The following MAML2 variants were observed in gnomAD, a reference collection of about 807,000 sequenced individuals.
MAML2 encodes the protein mastermind-like protein 2.
In MAML2, 22 loss-of-function variants were observed where a neutral mutation model predicts 96.1. The observed-to-expected ratio is 0.23, with a 90% CI of 0.16 to 0.33. The LOEUF is 0.33. MAML2 is among the 10% of genes least tolerant of loss of function. The pLI is 1.00. For missense variants in MAML2, 1,367 were observed against 1,392.4 expected (o/e 0.98, Z 0.29); for synonymous variants, 561 against 521.3 (o/e 1.08, Z -1.04).
intron 2 of MAML2, among the ~76,000 whole-genome samples, chr11:96,046,181 C>G (rs1762603243): frequency 6.6e-6 from 1 of 151,864 alleles, no homozygotes; most frequent in African/African-American, 2.4e-5. Flanking sequence ...CTGACCAGCG[C>G]AGGTGAGGTA....
chr11:96,151,950 CT>C (rs1860931261), intron 1 of MAML2, among the ~76,000 whole-genome samples: 1 of 152,162 alleles, frequency 6.6e-6, no homozygotes, highest in South Asian at 2.1e-4. Context: ...GGCATAGTGA[CT>C]TATGCCTGTA....
intron 2 of MAML2, among the ~76,000 whole-genome samples, chr11:96,069,072 G>T (rs967413664): frequency 2.6e-5 from 4 of 151,880 alleles, no homozygotes; most frequent in Non-Finnish European, 4.4e-5. Context: ...CAGGCTACAG[G>T]CATGTGCCAC....
intron 1 of MAML2, among the ~76,000 whole-genome samples, chr11:96,103,830 G>A (rs1469892557): frequency 6.6e-6 from 1 of 152,102 alleles, no homozygotes; most frequent in Non-Finnish European, 1.5e-5. Context: ...AGCAACAAAA[G>A]GGATCTCCTT....
chr11:96,264,843 T>C (rs1462414994), intron 1 of MAML2, among the ~76,000 whole-genome samples: 1 of 152,230 alleles, frequency 6.6e-6, no homozygotes, highest in African/African-American at 2.4e-5. Context: ...GCATATCTTA[T>C]TTCGGCATAG....
intron 1 of MAML2, among the ~76,000 whole-genome samples, chr11:96,339,730 T>G (rs534161673): frequency 9.5e-4 from 145 of 152,332 alleles, no homozygotes; most frequent in African/African-American, 3.2e-3. Context: ...TAGATACTTT[T>G]GGCTACAGAT....
At chr11:96,242,754 G>A (rs183243965) in intron 1 of MAML2, among the ~76,000 whole-genome samples, 143 of 152,268 alleles carry the variant, frequency 9.4e-4, no homozygotes, top group Non-Finnish European at 1.6e-3. Context: ...CATGATAAAG[G>A]GGAAAGGATC....
intron 2 of MAML2, among the ~76,000 whole-genome samples, chr11:96,034,749 C>T (rs542777533): frequency 1.3e-5 from 2 of 152,254 alleles, no homozygotes; most frequent in South Asian, 4.1e-4. Flanking sequence ...AGGGAAAATA[C>T]ATGGCATCTC....
chr11:96,059,822 A>T (rs1286258537), intron 2 of MAML2, among the ~76,000 whole-genome samples: 1 of 152,160 alleles, frequency 6.6e-6, no homozygotes, highest in Non-Finnish European at 1.5e-5. Flanking sequence ...TGGTCATGGG[A>T]TAGACATTTT....
At chr11:96,121,809 C>T (rs1259229355) in intron 1 of MAML2, among the ~76,000 whole-genome samples, 5 of 10,284 alleles carry the variant, frequency 4.9e-4, no homozygotes, top group South Asian at 2.4e-3. Flanking sequence ...TTTTTTGAGA[C>T]GGAGTCTTGC....
chr11:96,275,969 C>T (rs983339727), intron 1 of MAML2, among the ~76,000 whole-genome samples: 5 of 152,118 alleles, frequency 3.3e-5, no homozygotes, highest in East Asian at 1.9e-4. Context: ...GGTTTTAGAA[C>T]GACTGGAAAA....
rs143464542 is a variant in MAML2, at chr11:96,240,791, A to G, written c.513+100592T>C. On this transcript the variant is annotated intron_variant, in intron 1 of 4. Transcript: ENST00000524717. ...AGAAAGGTACTATTACAGTATATAAAAATGAAAAGTCTCATTGAAGTACGG... is the reference window on the plus strand; with the variant it reads ...AGAAAGGTACTATTACAGTATATAAGAATGAAAAGTCTCATTGAAGTACGG... Among the ~76,000 whole-genome samples, 1,321 of 152,248 alleles carry G rather than the reference A, an allele frequency of 8.7e-3. 10 individuals carry two copies. The highest frequency in any genetic ancestry group is 0.014 in the South Asian group (67 of 4,824).
chr11:96,247,753 T>A (rs749914049), intron 1 of MAML2, among the ~76,000 whole-genome samples: 5 of 152,194 alleles, frequency 3.3e-5, no homozygotes, highest in Middle Eastern at 3.4e-3. Context: ...CTTCACACCT[T>A]TTCCTCTCTC....
At chr11:96,115,357 G>C (rs771092576) in intron 1 of MAML2, among the ~76,000 whole-genome samples, 5 of 151,688 alleles carry the variant, frequency 3.3e-5, no homozygotes, top group Non-Finnish European at 4.4e-5. Flanking sequence ...TGGTAGAGAT[G>C]GGGGCGTCTT....
In MAML2 at chr11:96,061,821, C is replaced by T. The variant is rs551111833; in HGVS notation, c.2139+30071G>A. ...CTTTTTTTTTAATATCTTAATTTTTCTTTCTGTTAGGGGAAAGTATCTTAA... is the reference window on the plus strand; with the variant it reads ...CTTTTTTTTTAATATCTTAATTTTTTTTTCTGTTAGGGGAAAGTATCTTAA... On this transcript the variant is annotated intron_variant, in intron 2 of 4. Transcript: ENST00000524717. 9.5e-5 allele frequency among the ~76,000 whole-genome samples: 14 copies of T among 146,762 alleles called. No individual in the cohort carries two copies. In the East Asian group the frequency reaches 2.8e-3, roughly 29 times the overall value.
Position 96,342,583 on chromosome 11 carries a change from C to T in MAML2, c.-688G>A, listed in dbSNP as rs1338410517. On this transcript the variant is annotated 5_prime_UTR_variant, in exon 1 of 5. Coordinates refer to ENST00000524717, the MANE Select transcript of MAML2 (RefSeq NM_032427.4). ...CCCTTTCCTTTCGCTCCGGTGTTTT[C>T]TCCTCTTTGGGGTACTGTAGGATGT... 2.5e-6 allele frequency: 1 copy of T among 395,334 alleles called. No individual in the cohort carries two copies. The highest frequency in any genetic ancestry group is 3.6e-5 in the East Asian group (1 of 27,968). The allele number at this position is 395,334 out of a possible 1,614,324, so 24.5% of individuals were successfully genotyped here.
Position 96,093,310 on chromosome 11 carries a change from G to C in MAML2, c.721C>G (p.Arg241Gly). 5 of 1,613,972 alleles carry C rather than the reference G, an allele frequency of 3.1e-6. No homozygotes were observed. The highest frequency in any genetic ancestry group is 4.2e-6 in the Non-Finnish European group (5 of 1,179,888). Residue 241 changes from arginine to glycine, a missense_variant, in exon 2 of 5, where the codon CGA (arginine) becomes GGA (glycine). Physicochemically the swap from Arg to Gly is moderately radical, Grantham distance 125 (BLOSUM62 -2). Transcript: ENST00000524717. ...TGGGATGGCAGAGTGTTAGTCTTTC[G>C]CAGGGGTGCTTGGCTCATAGGCAAG... ...GTLPMSQAPLRKTNTLPSHTH... is the reference protein window; with the variant it reads ...GTLPMSQAPLGKTNTLPSHTH...
chr11:96,013,853 C>T (rs1858302481), intron 2 of MAML2, among the ~76,000 whole-genome samples: 4 of 152,204 alleles, frequency 2.6e-5, no homozygotes, highest in African/African-American at 9.6e-5. Context: ...TTCTTCAAGC[C>T]CACGTGTGAT....
In MAML2 at chr11:96,014,437, C is replaced by T. The variant is rs537573432; in HGVS notation, c.2140-22714G>A. 7.2e-5 allele frequency among the ~76,000 whole-genome samples: 11 copies of T among 152,268 alleles called. No individual in the cohort carries two copies. In the East Asian group the frequency reaches 2.1e-3, roughly 29 times the overall value. ...TTCAGAAAATGAACTTAACCACAGCCTCCTGGAATCAACATTTAAAACTAA... is the reference window on the plus strand; with the variant it reads ...TTCAGAAAATGAACTTAACCACAGCTTCCTGGAATCAACATTTAAAACTAA... On this transcript the variant is annotated intron_variant, in intron 2 of 4. Coordinates refer to ENST00000524717, the MANE Select transcript of MAML2 (RefSeq NM_032427.4).
intron 2 of MAML2, among the ~76,000 whole-genome samples, chr11:96,080,837 C>T (rs1026177254): frequency 1.3e-5 from 2 of 152,168 alleles, no homozygotes; most frequent in African/African-American, 4.8e-5. Context: ...AAGATTATCA[C>T]ATATTGAAAG....
Sources: gnomAD v4.1 joint callset for allele counts (sites outside exome capture counted in the v4.1 genomes callset) on GRCh38, gnomAD v4.1.1 for gene constraint, MANE v1.5 for transcripts, NCBI Gene and HGNC (gene_info 2026-07-23, HGNC 2026-07-21) for gene names.